CCDC63: variants seen among roughly 807,000 people sequenced by gnomAD.
The protein encoded by CCDC63 is coiled-coil domain-containing protein 63.
CCDC63 carries 54 observed loss-of-function variants against 63.6 expected under a neutral mutation model. The observed-to-expected ratio is 0.85, with a 90% CI of 0.68 to 1.07. CCDC63 has a LOEUF of 1.07. Ranked by LOEUF, CCDC63 falls within the 50% of genes least tolerant of loss-of-function variation. The pLI is 0.00. For synonymous variants in CCDC63, 253 were observed against 266.1 expected (o/e 0.95, Z 0.48); for missense variants, 637 against 689.6 (o/e 0.92, Z 0.86).
intron 8 of CCDC63, among the ~76,000 whole-genome samples, chr12:110,892,180 C>T (rs940126853): frequency 5.3e-5 from 8 of 152,116 alleles, no homozygotes; most frequent in Non-Finnish European, 7.4e-5. Flanking sequence ...TGAGAACTCC[C>T]ACTCCACAGC....
chr12:110,901,370 C>G (rs2071484926), intron 10 of CCDC63, among the ~76,000 whole-genome samples: 1 of 152,072 alleles, frequency 6.6e-6, no homozygotes, highest in South Asian at 2.1e-4. Flanking sequence ...AATACTAGTT[C>G]TTATTATTTT....
At chr12:110,864,396 C>T (rs1364938347) in intron 4 of CCDC63, among the ~76,000 whole-genome samples, 1 of 150,664 alleles carries the variant, frequency 6.6e-6, no homozygotes, top group Non-Finnish European at 1.5e-5. Flanking sequence ...TTGAGACCAG[C>T]CTGGGCAACA....
intron 11 of CCDC63, among the ~76,000 whole-genome samples, chr12:110,905,817 C>A (rs1233644875): frequency 7.9e-6 from 1 of 126,836 alleles, no homozygotes; most frequent in Non-Finnish European, 1.6e-5. Context: ...CACACACATG[C>A]GTGTGTACAC....
rs532842075 is a variant in CCDC63, at chr12:110,853,097, G to A, written c.9+134G>A. ...CCCATTTTGTAGGTGGGAGGCTGGAGGCTCAGAGACATCCAGTGACTCACC... is the reference window on the plus strand; with the variant it reads ...CCCATTTTGTAGGTGGGAGGCTGGAAGCTCAGAGACATCCAGTGACTCACC... On this transcript the variant is annotated intron_variant, in intron 2 of 11. Transcript: ENST00000308208. The A allele has an allele frequency of 7.1e-4, 714 of 1,006,936 alleles. 7 individuals carry two copies. Among genetic ancestry groups the A allele is most frequent in the South Asian group, 2.5e-3 (184 of 73,080 alleles). 62.4% of individuals were successfully genotyped at this position (1,006,936 alleles called of 1,614,324 possible).
chr12:110,901,085 T>C (rs2071479891), intron 10 of CCDC63, among the ~76,000 whole-genome samples: 2 of 152,202 alleles, frequency 1.3e-5, no homozygotes, highest in Non-Finnish European at 2.9e-5. Flanking sequence ...GTGTGAACCA[T>C]GTGATAAACC....
intron 4 of CCDC63, among the ~76,000 whole-genome samples, chr12:110,868,547 C>G (rs932410473): frequency 9.3e-5 from 14 of 151,222 alleles, no homozygotes; most frequent in Non-Finnish European, 1.9e-4. Context: ...CCGGCCAACA[C>G]AGCGAAACCC....
intron 2 of CCDC63, 76 bp downstream of exon 2, chr12:110,853,039 C>A: frequency 6.8e-7 from 1 of 1,476,896 alleles, no homozygotes; most frequent in Non-Finnish European, 9.5e-7. Flanking sequence ...TACACGTTAG[C>A]TCGTCTCATC....
intron 4 of CCDC63, among the ~76,000 whole-genome samples, chr12:110,863,585 G>C (rs1039393048): frequency 1.3e-5 from 2 of 150,450 alleles, no homozygotes; most frequent in Non-Finnish European, 2.9e-5. Context: ...CCGTTGCCCA[G>C]GCTGGAGTGC....
chr12:110,893,181 G>C, intron 9 of CCDC63, 31 bp downstream of exon 9: 1 of 1,575,108 alleles, frequency 6.3e-7, no homozygotes, highest in African/African-American at 1.3e-5. Context: ...GAGGGATGCG[G>C]GAGCTTCTGT....
intron 4 of CCDC63, among the ~76,000 whole-genome samples, chr12:110,864,369 T>A (rs1419834413): frequency 6.6e-6 from 1 of 151,108 alleles, no homozygotes; most frequent in East Asian, 1.9e-4. Flanking sequence ...AGCAGGAAGA[T>A]CTTTGAGCCC....
chr12:110,852,423 C>G (rs2070715620), intron 1 of CCDC63, among the ~76,000 whole-genome samples: 1 of 152,190 alleles, frequency 6.6e-6, no homozygotes, highest in East Asian at 1.9e-4. Flanking sequence ...CCACACCTGG[C>G]TAATTTTTTT....
At chr12:110,850,401 G>A (rs764760688) in intron 1 of CCDC63, among the ~76,000 whole-genome samples, 1 of 152,230 alleles carries the variant, frequency 6.6e-6, no homozygotes, top group Non-Finnish European at 1.5e-5. Flanking sequence ...TGTTGGGGAG[G>A]CAATGAACTG....
At chr12:110,867,709 C>A (rs2070988128) in intron 4 of CCDC63, among the ~76,000 whole-genome samples, 1 of 114,992 alleles carries the variant, frequency 8.7e-6, no homozygotes. Flanking sequence ...AGGGCTGACC[C>A]CCCCACCTCC....
chr12:110,853,463 A>C lies in CCDC63; in HGVS notation c.68A>C (p.Lys23Thr). ...DTPQEPSEKAKEQQAEAELRK... is the reference protein window; with the variant it reads ...DTPQEPSEKATEQQAEAELRK... ...CCCCAGGAACCTTCGGAGAAGGCCA[A>C]AGAGCAGCAGGCGGAGGCAGAGCTC... The change falls in exon 3 of 12, where the codon AAA becomes ACA. Residue 23 changes from lysine to threonine, a missense_variant. Physicochemically the swap from Lys to Thr is moderately conservative, Grantham distance 78. Transcript: ENST00000308208. 1 of 1,614,182 alleles carries C rather than the reference A, an allele frequency of 6.2e-7. No homozygotes were observed. The highest frequency in any genetic ancestry group is 8.5e-7 in the Non-Finnish European group (1 of 1,180,028).
At chr12:110,900,764 T>A (rs2071475955) in intron 10 of CCDC63, among the ~76,000 whole-genome samples, 1 of 152,158 alleles carries the variant, frequency 6.6e-6, no homozygotes, top group African/African-American at 2.4e-5. Context: ...CACGCCCAGC[T>A]AATTTTTGTA....
intron 10 of CCDC63, among the ~76,000 whole-genome samples, chr12:110,902,783 T>A (rs2071504853): frequency 6.6e-6 from 1 of 152,094 alleles, no homozygotes; most frequent in Admixed American, 6.6e-5. Flanking sequence ...AGTGGCACAA[T>A]CTTGGCTCAC....
At chr12:110,859,150 C>G (rs2070818379) in intron 4 of CCDC63, among the ~76,000 whole-genome samples, 1 of 152,170 alleles carries the variant, frequency 6.6e-6, no homozygotes, top group Admixed American at 6.6e-5. Flanking sequence ...TGACACGTAA[C>G]TGTTGTGGGT....
chr12:110,903,097 G>C (rs1166919801), intron 10 of CCDC63, among the ~76,000 whole-genome samples: 1 of 151,896 alleles, frequency 6.6e-6, no homozygotes, highest in Non-Finnish European at 1.5e-5. Context: ...GGCTGGTCTC[G>C]AACTCCTGAT....
At chr12:110,897,677 C>T (rs987183585) in intron 9 of CCDC63, among the ~76,000 whole-genome samples, 4 of 150,222 alleles carry the variant, frequency 2.7e-5, no homozygotes, top group Non-Finnish European at 5.9e-5. Context: ...ACACAACATA[C>T]GTATGTATGT....
Sources: gnomAD v4.1 joint callset for allele counts (sites outside exome capture counted in the v4.1 genomes callset) on GRCh38, gnomAD v4.1.1 for gene constraint, MANE v1.5 for transcripts, NCBI Gene and HGNC (gene_info 2026-07-23, HGNC 2026-07-21) for gene names.